PYROXD1: variants seen among roughly 807,000 people sequenced by gnomAD.
The protein encoded by PYROXD1 is pyridine nucleotide-disulphide oxidoreductase domain 1.
In PYROXD1, 42 loss-of-function variants were observed where a neutral mutation model predicts 62.0. The observed-to-expected ratio is 0.68, with a 90% CI of 0.53 to 0.88. The LOEUF is 0.88. Among genes scored for constraint, PYROXD1 ranks in the 40% least tolerant of loss-of-function variants. PYROXD1 has a pLI of 0.00. For missense variants in PYROXD1, 493 were observed against 604.8 expected, an observed-to-expected ratio of 0.82 and a Z score of 1.94; for synonymous variants, 170 against 206.4, an observed-to-expected ratio of 0.82 and a Z score of 1.51.
intron 10 of PYROXD1, among the ~76,000 whole-genome samples, chr12:21,466,639 T>C (rs565416107): frequency 6.6e-6 from 1 of 152,314 alleles, no homozygotes; most frequent in Admixed American, 6.5e-5. Context: ...CTTTTCCTAA[T>C]TGAATGCCCT....
chr12:21,460,415 TA>T (rs1171938288), intron 7 of PYROXD1, among the ~76,000 whole-genome samples: 11 of 133,902 alleles, frequency 8.2e-5, no homozygotes, highest in African/African-American at 3.1e-4. Flanking sequence ...TTTATTTATT[TA>T]TTTATTTTAT....
Position 21,470,951 on chromosome 12 carries a change from AAATT to A in PYROXD1, c.*2201_*2204del, listed in dbSNP as rs71582883. 0.041 allele frequency: 59,540 copies of A among 1,462,988 alleles called. 1,379 individuals are homozygous for A. The highest frequency in any genetic ancestry group is 0.081 in the Middle Eastern group (444 of 5,486). The allele number at this position is 1,462,988 out of a possible 1,614,324, so 90.6% of individuals were successfully genotyped here. On this transcript the variant is annotated 3_prime_UTR_variant, in exon 12 of 12. Transcript: ENST00000240651. ...TACTTTTTAAAATATATAAAACTGA[AAATT>A]AATAGCCATTTACCCTGAAAGAGTT... is the stretch of plus-strand genomic sequence containing the variant.
At chr12:21,444,585 T>G (rs1327042605) in intron 2 of PYROXD1, among the ~76,000 whole-genome samples, 1 of 152,212 alleles carries the variant, frequency 6.6e-6, no homozygotes, top group Middle Eastern at 3.2e-3. Context: ...CAAGTGGCCT[T>G]CTAAAGGTTT....
chr12:21,470,860 T>G lies in PYROXD1; in HGVS notation c.*2106T>G, dbSNP rs1182914121. On this transcript the variant is annotated 3_prime_UTR_variant, in exon 12 of 12. Coordinates refer to ENST00000240651, the MANE Select transcript of PYROXD1 (RefSeq NM_024854.5). ...ATACCCAGAAATCTAATCAGAAAACTGACTTTTCTCATGTTCAACTGGACC... is the reference window on the plus strand; with the variant it reads ...ATACCCAGAAATCTAATCAGAAAACGGACTTTTCTCATGTTCAACTGGACC... 1.4e-6 allele frequency: 1 copy of G among 738,196 alleles called. No individual in the cohort carries two copies. The highest frequency in any genetic ancestry group is 1.9e-6 in the Non-Finnish European group (1 of 522,240). The allele number at this position is 738,196 out of a possible 1,614,324, so 45.7% of individuals were successfully genotyped here. A position where few individuals can be genotyped will look rare whatever the true frequency, so the allele number is the denominator to read the frequency against.
chr12:21,465,465 C>T (rs1199351444), intron 10 of PYROXD1, among the ~76,000 whole-genome samples: 1 of 151,320 alleles, frequency 6.6e-6, no homozygotes, highest in Admixed American at 6.6e-5. Context: ...GCATAAATAT[C>T]TTCTTTTGAG....
chr12:21,471,173 T>TAAAAGAA lies in PYROXD1; in HGVS notation c.*2420_*2421insAAAGAAA. On this transcript the variant is annotated 3_prime_UTR_variant, in exon 12 of 12. Transcript: ENST00000240651. The stretch of plus-strand genomic sequence containing the variant: ...AAAACAAATTTATAAAAGAAATAAC[T>TAAAAGAA]ATATGCGCAGTAATTCTTAACACAT... 3 of 1,368,972 alleles carry TAAAAGAA rather than the reference T, an allele frequency of 2.2e-6. No homozygotes were observed. Among genetic ancestry groups the TAAAAGAA allele is most frequent in the Non-Finnish European group, 3.0e-6 (3 of 1,016,936 alleles). The allele number at this position is 1,368,972 out of a possible 1,614,324, so 84.8% of individuals were successfully genotyped here. A position where few individuals can be genotyped will look rare whatever the true frequency, so the allele number is the denominator to read the frequency against.
chr12:21,456,442 G>T (rs1942598691), intron 7 of PYROXD1, among the ~76,000 whole-genome samples: 1 of 152,130 alleles, frequency 6.6e-6, no homozygotes, highest in African/African-American at 2.4e-5. Context: ...CAGTTTCCCA[G>T]TGCCTGCAAA....
At chr12:21,457,625 G>A (rs930137602) in intron 7 of PYROXD1, among the ~76,000 whole-genome samples, 3 of 151,998 alleles carry the variant, frequency 2.0e-5, no homozygotes, top group Admixed American at 2.0e-4. Flanking sequence ...AAGCATGACT[G>A]GGGAGGCCTC....
At chr12:21,462,912 A>G in intron 10 of PYROXD1, 50 bp downstream of exon 10, 1 of 1,560,016 alleles carries the variant, frequency 6.4e-7, no homozygotes, top group Non-Finnish European at 8.7e-7. Flanking sequence ...TCTGTCTGAA[A>G]ATAAAGCGGT....
intron 7 of PYROXD1, 68 bp from the exon 8 acceptor site, chr12:21,460,957 T>C (rs1942686069): frequency 9.9e-7 from 1 of 1,012,584 alleles, no homozygotes; most frequent in Admixed American, 2.9e-5. Context: ...ACGTTTTTTC[T>C]TCATCATTAG....
intron 10 of PYROXD1, among the ~76,000 whole-genome samples, chr12:21,463,769 C>T (rs931985881): frequency 2.0e-5 from 3 of 151,780 alleles, no homozygotes; most frequent in African/African-American, 7.3e-5. Flanking sequence ...TAGACTTTTT[C>T]CTACCCTCAC....
rs532089278 is a variant in PYROXD1 at position 21,438,958 on chromosome 12, A to G, written c.84+1144A>G. 3.9e-5 allele frequency among the ~76,000 whole-genome samples: 6 copies of G among 152,354 alleles called. No individual in the cohort carries two copies. The East Asian group carries it at 1.2e-3, about 29-fold the overall frequency. On this transcript the variant is annotated intron_variant, in intron 1 of 11. Coordinates refer to ENST00000240651, the MANE Select transcript of PYROXD1 (RefSeq NM_024854.5). ...TTGTATGTCTATGCAAGAGATATCA[A>G]CGGTTATCTTAGAGGTGCCTGTGGA...
intron 2 of PYROXD1, 92 bp from the exon 3 acceptor site, chr12:21,445,255 T>C: frequency 7.8e-7 from 1 of 1,281,462 alleles, no homozygotes. Context: ...AAACACAAAA[T>C]AGTGTGTAAA....
chr12:21,462,535 A>C (rs1055149319), intron 9 of PYROXD1, among the ~76,000 whole-genome samples: 14 of 152,086 alleles, frequency 9.2e-5, no homozygotes, highest in African/African-American at 3.4e-4. Context: ...TCATGTTGAA[A>C]TTCTGACAGT....
rs1942214790 is a variant in PYROXD1 at position 21,437,773 on chromosome 12, G to A, written c.43G>A (p.Val15Met). The A allele has an allele frequency of 6.2e-7, 1 of 1,613,130 alleles. No individual in the cohort carries two copies. Among genetic ancestry groups the A allele is most frequent in the Non-Finnish European group, 8.5e-7 (1 of 1,179,800 alleles). ...TCCCCCGACGGCAGGGAAGTTCGTG[G>A]TGGTCGGCGGCGGCATCGCGGGCGT... ...RPPPTAGKFV[V>M]VGGGIAGVTC... The change falls in exon 1 of 12, where the codon GTG becomes ATG. Residue 15 changes from valine (V) to methionine (M), a missense_variant. Coordinates refer to ENST00000240651, the MANE Select transcript of PYROXD1 (RefSeq NM_024854.5).
intron 10 of PYROXD1, among the ~76,000 whole-genome samples, chr12:21,465,576 G>A (rs10841824): frequency 0.99 from 150,379 of 151,944 alleles, 74,447 homozygotes; most frequent in East Asian, 1. Context: ...GCCATTTGTC[G>A]GACGAGTAGG....
At chr12:21,465,131 C>T in intron 10 of PYROXD1, among the ~76,000 whole-genome samples, 1 of 152,110 alleles carries the variant, frequency 6.6e-6, no homozygotes, top group East Asian at 1.9e-4. Context: ...TATAAACATA[C>T]GTGTGCATGT....
At chr12:21,441,783 T>C (rs1591935537) in intron 2 of PYROXD1, among the ~76,000 whole-genome samples, 1 of 152,268 alleles carries the variant, frequency 6.6e-6, no homozygotes, top group East Asian at 1.9e-4. Flanking sequence ...GTGGCATATC[T>C]TCTTGGTTTA....
At chr12:21,452,212 TAAATTA>T (rs1942513857) in intron 5 of PYROXD1, 58 bp downstream of exon 5, 1 of 1,150,658 alleles carries the variant, frequency 8.7e-7, no homozygotes, top group East Asian at 3.1e-5. Context: ...AATTTGTTTT[TAAATTA>T]AACAATTGCT....
Sources: allele counts gnomAD v4.1 joint callset (sites outside exome capture counted in the v4.1 genomes callset), GRCh38; gene constraint gnomAD v4.1.1; transcripts MANE v1.5; gene names NCBI Gene and HGNC (gene_info 2026-07-23, HGNC 2026-07-21).